Variants in GADL1 observed in about 807,000 individuals in gnomAD.
The protein encoded by GADL1 is GAD like acidic amino acid decarboxylase 1.
In GADL1, 71 loss-of-function variants were observed where a neutral mutation model predicts 69.5. The ratio of observed to expected loss-of-function variants is 1.02; its 90% CI spans 0.84 to 1.25. The LOEUF is 1.25. Ranked by LOEUF, GADL1 falls within the 50% of genes most tolerant of loss-of-function variation. The pLI is 0.00. For synonymous variants in GADL1, 254 were observed against 214.4 expected (o/e 1.18, Z -1.62); for missense variants, 737 against 631.8 (o/e 1.17, Z -1.79).
At chr3:30,845,947 A>G (rs1472992509) in intron 6 of GADL1, among the ~76,000 whole-genome samples, 2 of 152,168 alleles carry the variant, frequency 1.3e-5, no homozygotes, top group East Asian at 3.9e-4. Context: ...ATCTCCAACC[A>G]ATGAATCTGC....
chr3:30,791,851 C>G (rs1696927160), intron 12 of GADL1, among the ~76,000 whole-genome samples: 1 of 152,094 alleles, frequency 6.6e-6, no homozygotes, highest in Non-Finnish European at 1.5e-5. Context: ...GTGAATAAGT[C>G]TCTCAGGATC....
intron 11 of GADL1, among the ~76,000 whole-genome samples, chr3:30,821,546 TAAA>T (rs1697580856): frequency 1.3e-5 from 2 of 151,402 alleles, no homozygotes; most frequent in Non-Finnish European, 2.9e-5. Context: ...CATAAGAAGT[TAAA>T]AAGAATCTTT....
In GADL1 at chr3:30,732,044, C is replaced by A. The variant is rs1040182704; in HGVS notation, c.1393-3629G>T. On this transcript the variant is annotated intron_variant, in intron 14 of 14. Transcript: ENST00000282538. ...ATTCATGTTTTGGCAATTTAGGGAC[C>A]AAGCACGTTCTCACTAACAGTCAGC... Among the ~76,000 whole-genome samples the A allele has an allele frequency of 5.3e-5, 8 of 152,238 alleles. No homozygotes were observed. In the South Asian group the frequency reaches 6.2e-4, roughly 12 times the overall value.
intron 11 of GADL1, among the ~76,000 whole-genome samples, chr3:30,821,101 A>G (rs1210153523): frequency 6.6e-6 from 1 of 152,000 alleles, no homozygotes; most frequent in Non-Finnish European, 1.5e-5. Context: ...ACATGTTCCC[A>G]CTCATAGGTG....
chr3:30,886,467 G>C (rs951125454), intron 1 of GADL1, among the ~76,000 whole-genome samples: 2 of 152,046 alleles, frequency 1.3e-5, no homozygotes, highest in Non-Finnish European at 2.9e-5. Context: ...ACAAACTATG[G>C]ACACAACAAG....
At chr3:30,874,004 A>C (rs1442997309) in intron 1 of GADL1, among the ~76,000 whole-genome samples, 1 of 151,964 alleles carries the variant, frequency 6.6e-6, no homozygotes, top group Non-Finnish European at 1.5e-5. Flanking sequence ...AACCTTTCCA[A>C]GGGGTACATT....
chr3:30,750,691 C>T (rs1248017617), intron 14 of GADL1, among the ~76,000 whole-genome samples: 1 of 151,950 alleles, frequency 6.6e-6, no homozygotes. Context: ...TCAATATTAA[C>T]AACACACGCA....
rs149282605 is a variant in GADL1, at chr3:30,751,638, A to G, written c.1393-23223T>C. Among the ~76,000 whole-genome samples the G allele has an allele frequency of 7.0e-4, 107 of 152,238 alleles. No homozygotes were observed. The Middle Eastern group carries it at 0.014, about 19-fold the overall frequency. On this transcript the variant is annotated intron_variant, in intron 14 of 14. Coordinates refer to ENST00000282538, the MANE Select transcript of GADL1 (RefSeq NM_207359.3). ...CTAATGTGAAAACTGAAAGACTGAA[A>G]CAGTTTGAGGAATTATCTCCCTATA...
intron 4 of GADL1, among the ~76,000 whole-genome samples, chr3:30,854,268 T>C (rs1333672727): frequency 6.6e-6 from 1 of 152,178 alleles, no homozygotes. Context: ...TAGAACACTT[T>C]GTACTTTTCC....
chr3:30,837,013 A>G (rs769684429), intron 9 of GADL1, among the ~76,000 whole-genome samples: 1 of 152,170 alleles, frequency 6.6e-6, no homozygotes, highest in East Asian at 1.9e-4. Context: ...AAAAATTGAC[A>G]TCAAAATATC....
chr3:30,829,278 G>A (rs938498428), intron 11 of GADL1, among the ~76,000 whole-genome samples: 4 of 151,698 alleles, frequency 2.6e-5, no homozygotes, highest in African/African-American at 9.7e-5. Context: ...AACTTTGAGA[G>A]CATCAGCTGT....
In GADL1 at chr3:30,839,092, A is replaced by G. The variant is rs1394348005; in HGVS notation, c.808T>C (p.Cys270Arg). Residue 270 changes from cysteine to arginine, a missense_variant, in exon 9 of 15, where the codon TGT becomes CGT. Cys to Arg is a radical substitution (Grantham distance 180). Coordinates refer to ENST00000282538, the MANE Select transcript of GADL1 (RefSeq NM_207359.3). The stretch of plus-strand genomic sequence containing the variant: ...AACACAGTTGTACCAGAAGTGGCAC[A>G]GACAAGAAACGGTGCTGCCCCCTGT... ...RKEGAAPFLV[C>R]ATSGTTVLGA... 1 of 1,602,044 alleles carries G rather than the reference A, an allele frequency of 6.2e-7. No individual in the cohort carries two copies. The highest frequency in any genetic ancestry group is 2.3e-5 in the East Asian group (1 of 44,310).
chr3:30,821,384 G>GAT (rs2125517781), intron 11 of GADL1, among the ~76,000 whole-genome samples: 1 of 152,132 alleles, frequency 6.6e-6, no homozygotes, highest in South Asian at 2.1e-4. Flanking sequence ...CAAGTAAACT[G>GAT]ATATAATGTG....
Position 30,740,994 on chromosome 3 carries a change from TATATTAA to T in GADL1, c.1393-12586_1393-12580del, listed in dbSNP as rs1424502933. ...ATATATTAATATATATTATATATTA[TATATTAA>T]TATATATTATATATTATATAATATA... is the stretch of plus-strand genomic sequence containing the variant. On this transcript the variant is annotated intron_variant, in intron 14 of 14. Transcript: ENST00000282538. Among the ~76,000 whole-genome samples the T allele has an allele frequency of 1.9e-5, 2 of 104,392 alleles. 1 individual carries two copies. The highest frequency in any genetic ancestry group is 8.5e-5 in the African/African-American group (2 of 23,534). 68.5% of individuals were successfully genotyped at this position (104,392 alleles called of 152,430 possible).
Position 30,766,964 on chromosome 3 carries a change from A to G in GADL1, c.1392+11215T>C, listed in dbSNP as rs541563626. Among the ~76,000 whole-genome samples the G allele has an allele frequency of 4.6e-5, 7 of 152,340 alleles. No individual in the cohort carries two copies. The South Asian group carries it at 1.4e-3, about 32-fold the overall frequency. On this transcript the variant is annotated intron_variant, in intron 14 of 14. Transcript: ENST00000282538. ...CATGGAGAAGATATCTGGGGCTCAT[A>G]TAGTCCTTCAAATATGAGGTAACAG...
chr3:30,859,817 T>C (rs1319141330), intron 2 of GADL1, among the ~76,000 whole-genome samples: 1 of 151,846 alleles, frequency 6.6e-6, no homozygotes, highest in Non-Finnish European at 1.5e-5. Flanking sequence ...GTATCAAAAC[T>C]TCACCTCCTT....
chr3:30,744,348 A>G (rs7610363), intron 14 of GADL1, among the ~76,000 whole-genome samples: 44,051 of 152,082 alleles, frequency 0.29, 6,529 homozygotes, highest in African/African-American at 0.31. Flanking sequence ...AGGAGTATCT[A>G]CCATCATAAA....
At chr3:30,809,256 T>C (rs1004798769) in intron 11 of GADL1, among the ~76,000 whole-genome samples, 7 of 152,256 alleles carry the variant, frequency 4.6e-5, no homozygotes, top group African/African-American at 1.7e-4. Flanking sequence ...TTCATTTTCT[T>C]TCTGCTGTAG....
intron 11 of GADL1, among the ~76,000 whole-genome samples, chr3:30,826,461 G>T (rs1028359665): frequency 1.3e-5 from 2 of 151,862 alleles, no homozygotes; most frequent in Non-Finnish European, 1.5e-5. Flanking sequence ...TCAGGGTTCT[G>T]CACAAATAGG....
Sources: gnomAD v4.1 joint callset for allele counts (sites outside exome capture counted in the v4.1 genomes callset) on GRCh38, gnomAD v4.1.1 for gene constraint, MANE v1.5 for transcripts, NCBI Gene and HGNC (gene_info 2026-07-23, HGNC 2026-07-21) for gene names.